The following ANKRD11 variants were observed in gnomAD, a reference collection of about 807,000 sequenced individuals.
The protein encoded by ANKRD11 is ankyrin repeat domain-containing protein 11.
Under a neutral mutation model 195.7 loss-of-function variants are expected in ANKRD11, and 17 were observed. The observed-to-expected ratio is 0.09, with a 90% confidence interval of 0.06 to 0.13. The LOEUF (loss-of-function observed/expected upper bound fraction) is 0.13. Among genes scored for constraint, ANKRD11 ranks in the 10% least tolerant of loss-of-function variants. The pLI is 1.00. For missense variants in ANKRD11, 3,735 were observed against 3,566.1 expected (o/e 1.05, Z -1.21); for synonymous variants, 1,953 against 1,528.1 (o/e 1.28, Z -6.49).
At chr16:89,454,127 ACACCACAGCCAACAC>A (rs886109457) in intron 1 of ANKRD11, among the ~76,000 whole-genome samples, 5 of 152,142 alleles carry the variant, frequency 3.3e-5, no homozygotes, top group Non-Finnish European at 7.4e-5. Flanking sequence ...ACCCCCTGGC[ACACCACAGCCAACAC>A]AACCACAGCC....
Position 89,270,667 on chromosome 16 carries a change from C to G in ANKRD11, c.7806+150G>C. The G allele has an allele frequency of 3.8e-6, 3 of 791,308 alleles. No homozygotes were observed. The South Asian group carries it at 4.4e-5, about 12-fold the overall frequency. 49.0% of individuals were successfully genotyped at this position (791,308 alleles called of 1,614,324 possible). On this transcript the variant is annotated intron_variant, in intron 12 of 12. Coordinates refer to ENST00000301030, the MANE Select transcript of ANKRD11 (RefSeq NM_013275.6). ...GACCTCACCTCCCCGAAAGCATCGG[C>G]CAGATTAAGAGAATCTGAAATTGTC...
chr16:89,291,666 TG>T lies in ANKRD11; in HGVS notation c.227-484del. The T allele has an allele frequency of 7.8e-7, 1 of 1,289,878 alleles. No homozygotes were observed. Among genetic ancestry groups the T allele is most frequent in the Non-Finnish European group, 1.0e-6 (1 of 988,752 alleles). 79.9% of individuals were successfully genotyped at this position (1,289,878 alleles called of 1,614,324 possible). On this transcript the variant is annotated intron_variant, in intron 4 of 12. Transcript: ENST00000301030. This position sits in a 1 kb window ranked among gnomAD's most constrained non-coding sequence, Gnocchi z 5.3. Reference sequence around the variant, plus strand: ...AACACATCAGTAAATCAAGGCCAACTGGTCAGTACTGTACCTTTCTTCTTGC... The same window carrying T: ...AACACATCAGTAAATCAAGGCCAACTGTCAGTACTGTACCTTTCTTCTTGC...
chr16:89,322,155 G>A (rs982795992), intron 2 of ANKRD11, among the ~76,000 whole-genome samples: 16 of 152,202 alleles, frequency 1.1e-4, no homozygotes, highest in African/African-American at 3.6e-4. Flanking sequence ...ACAGGAGGCT[G>A]GCGCCCCCAA....
chr16:89,359,808 T>TA (rs1383266257), intron 2 of ANKRD11, among the ~76,000 whole-genome samples: 1 of 152,204 alleles, frequency 6.6e-6, no homozygotes, highest in Non-Finnish European at 1.5e-5. Flanking sequence ...AAAGATAAGA[T>TA]AGTTTTTATT....
chr16:89,430,449 C>T (rs946716937), intron 1 of ANKRD11, among the ~76,000 whole-genome samples: 10 of 150,254 alleles, frequency 6.7e-5, no homozygotes, highest in Non-Finnish European at 1.3e-4. Flanking sequence ...AACTCTCACG[C>T]TCAGTCGTTC....
At chr16:89,452,835 G>A (rs1174645570) in intron 1 of ANKRD11, among the ~76,000 whole-genome samples, 4 of 151,272 alleles carry the variant, frequency 2.6e-5, no homozygotes, top group African/African-American at 9.7e-5. Context: ...AAGTTAAGAG[G>A]TCCTATTCCC....
At chr16:89,369,173 A>G (rs1190012694) in intron 2 of ANKRD11, among the ~76,000 whole-genome samples, 1 of 152,190 alleles carries the variant, frequency 6.6e-6, no homozygotes, top group African/African-American at 2.4e-5. Context: ...CCCAAACCCA[A>G]GAAGTTTTCC....
intron 4 of ANKRD11, among the ~76,000 whole-genome samples, chr16:89,296,619 T>C (rs1051399762): frequency 6.6e-6 from 1 of 152,256 alleles, no homozygotes; most frequent in Non-Finnish European, 1.5e-5. Context: ...ATGAATACTG[T>C]GCATTTAACC....
At chr16:89,480,993 T>A (rs2057426576) in intron 1 of ANKRD11, among the ~76,000 whole-genome samples, 1 of 151,846 alleles carries the variant, frequency 6.6e-6, no homozygotes, top group African/African-American at 2.4e-5. Context: ...GAATGGAGAG[T>A]GACACACAGT....
intron 1 of ANKRD11, among the ~76,000 whole-genome samples, chr16:89,449,067 T>C (rs530768862): frequency 1.3e-5 from 2 of 151,626 alleles, no homozygotes; most frequent in African/African-American, 4.9e-5. Flanking sequence ...GAAATGGAAA[T>C]GGGCCAGGTG....
intron 2 of ANKRD11, among the ~76,000 whole-genome samples, chr16:89,349,514 G>A (rs2039108804): frequency 6.6e-6 from 1 of 152,210 alleles, no homozygotes; most frequent in East Asian, 1.9e-4. Context: ...TAAATATATA[G>A]TCAACTAATT....
chr16:89,282,089 G>C lies in ANKRD11; in HGVS notation c.4453C>G (p.Leu1485Val), dbSNP rs770463986. The C allele has an allele frequency of 4.3e-6, 7 of 1,613,722 alleles. No individual in the cohort carries two copies. The African/African-American group carries it at 9.4e-5, about 22-fold the overall frequency. The change falls in exon 9 of 13, where the codon CTG becomes GTG. Residue 1485 changes from leucine to valine, a missense_variant. Coordinates refer to ENST00000301030, the MANE Select transcript of ANKRD11 (RefSeq NM_013275.6). ...RHRDRHADGL[L>V]RHHRDELLRH... ...AGGAGCTCGTCCCTGTGATGCCGCA[G>C]CAGCCCATCCGCATGCCTGTCCCGG...
chr16:89,304,710 T>A lies in ANKRD11; in HGVS notation c.226+496A>T, dbSNP rs141222586. 6.2e-4 allele frequency among the ~76,000 whole-genome samples: 94 copies of A among 151,806 alleles called. 2 individuals carry two copies. In the Middle Eastern group the frequency reaches 0.01, roughly 17 times the overall value. ...CAGGCATACACACTTGGGCACACAC[T>A]CTGGCACAGGCACACAGCACACACA... On this transcript the variant is annotated intron_variant, in intron 4 of 12. Transcript: ENST00000301030.
At chr16:89,389,834 C>T (rs1433159272) in intron 2 of ANKRD11, among the ~76,000 whole-genome samples, 4 of 124,262 alleles carry the variant, frequency 3.2e-5, no homozygotes, top group East Asian at 2.4e-4. Flanking sequence ...GGGCAAACAC[C>T]GAGTGTGGCG....
Position 89,279,650 on chromosome 16 carries a change from G to A in ANKRD11, c.6892C>T (p.Arg2298Cys). Residue 2298 changes from arginine (R) to cysteine (C), a missense_variant, in exon 9 of 13, where the codon CGT (arginine) becomes TGT (cysteine). Arg to Cys is a radical substitution (Grantham distance 180). Transcript: ENST00000301030. The surrounding 1 kb of genome is among the most constrained non-coding windows in gnomAD (Gnocchi z 5.6). ...GGGCCTTCGGCTGGGGCGGCGGCAC[G>A]GGAGGCCTCAGTGTCGTCCTCGGGG... ...AGPEDDTEAS[R>C]AAAPAEGPPG... The A allele has an allele frequency of 2.6e-5, 38 of 1,441,002 alleles. 1 individual carries two copies. Among genetic ancestry groups the A allele is most frequent in the South Asian group, 1.3e-4 (9 of 68,166 alleles). The allele number at this position is 1,441,002 out of a possible 1,614,324, so 89.3% of individuals were successfully genotyped here.
chr16:89,490,460 C>T lies in ANKRD11; in HGVS notation c.-360G>A. On this transcript the variant is annotated 5_prime_UTR_variant, in exon 1 of 13. Coordinates refer to ENST00000301030, the MANE Select transcript of ANKRD11 (RefSeq NM_013275.6). ...CGGCTCGGGCGAGAGCCGCGGCTCCCGGTGCGGACGCTACTGATGGGGCGT... is the reference window on the plus strand; with the variant it reads ...CGGCTCGGGCGAGAGCCGCGGCTCCTGGTGCGGACGCTACTGATGGGGCGT... 1 of 381,650 alleles carries T rather than the reference C, an allele frequency of 2.6e-6. No individual in the cohort carries two copies. Among genetic ancestry groups the T allele is most frequent in the Non-Finnish European group, 4.7e-6 (1 of 214,314 alleles). The allele number at this position is 381,650 out of a possible 1,614,324, so 23.6% of individuals were successfully genotyped here.
intron 1 of ANKRD11, among the ~76,000 whole-genome samples, 181 bp downstream of exon 1, chr16:89,490,064 T>G (rs1196229839): frequency 7.4e-6 from 1 of 135,288 alleles, no homozygotes; most frequent in Non-Finnish European, 1.6e-5. Flanking sequence ...GGACCCATTA[T>G]TGGTCCCTCA....
At chr16:89,384,532 ATGGGAC>A (rs1338588676) in intron 2 of ANKRD11, among the ~76,000 whole-genome samples, 2 of 125,268 alleles carry the variant, frequency 1.6e-5, no homozygotes, top group African/African-American at 3.0e-5. Context: ...ACAGGATGGG[ATGGGAC>A]TGGGATGGGA....
chr16:89,325,562 T>G (rs1471773797), intron 2 of ANKRD11, among the ~76,000 whole-genome samples: 1 of 151,996 alleles, frequency 6.6e-6, no homozygotes, highest in Non-Finnish European at 1.5e-5. Context: ...GCAACTACAG[T>G]ACTTAGGGAT....
Sources: allele counts gnomAD v4.1 joint callset (sites outside exome capture counted in the v4.1 genomes callset), GRCh38; gene constraint gnomAD v4.1.1; non-coding constraint Gnocchi (gnomAD v3.1); transcripts MANE v1.5; gene names NCBI Gene and HGNC (gene_info 2026-07-23, HGNC 2026-07-21).